Variants in GALNT13 observed in about 807,000 individuals in gnomAD.
GALNT13 encodes the protein polypeptide N-acetylgalactosaminyltransferase 13, also known as UDP-GalNAc:polypeptide N-acetylgalactosaminyltransferase 13.
Under a neutral mutation model 64.2 loss-of-function variants are expected in GALNT13, and 28 were observed. The ratio of observed to expected loss-of-function variants is 0.44; its 90% confidence interval spans 0.32 to 0.60. The LOEUF is 0.60. GALNT13 is among the 20% of genes least tolerant of loss of function. The probability of loss-of-function intolerance (pLI) is 0.05; values close to 1 mark genes in which losing one functional copy is unlikely to be tolerated. For synonymous variants in GALNT13, 214 were observed against 224.6 expected (o/e 0.95, Z 0.42); for missense variants, 577 against 669.8 (o/e 0.86, Z 1.53).
the GALNT13 span, among the ~76,000 whole-genome samples, chr2:153,358,892 C>T: frequency 6.6e-6 from 1 of 152,098 alleles, no homozygotes; most frequent in Non-Finnish European, 1.5e-5. Context: ...GACACATCAT[C>T]AGGCATGTCT....
the GALNT13 span, among the ~76,000 whole-genome samples, chr2:153,511,226 A>G: frequency 6.6e-6 from 1 of 151,894 alleles, no homozygotes; most frequent in Non-Finnish European, 1.5e-5. Context: ...TTGAGATAGG[A>G]GAAAGAAGAA....
chr2:153,464,922 T>C, the GALNT13 span, among the ~76,000 whole-genome samples: 1 of 152,148 alleles, frequency 6.6e-6, no homozygotes, highest in Non-Finnish European at 1.5e-5. Flanking sequence ...AGTAGATAGT[T>C]ACATACTGGA....
the GALNT13 span, among the ~76,000 whole-genome samples, chr2:153,483,282 A>G: frequency 1.3e-5 from 2 of 152,168 alleles, no homozygotes; most frequent in African/African-American, 4.8e-5. Context: ...ATTACTGTTC[A>G]TAACAGCATT....
At chr2:154,346,323 G>T (rs997876346) in intron 9 of GALNT13, among the ~76,000 whole-genome samples, 2 of 151,958 alleles carry the variant, frequency 1.3e-5, no homozygotes, top group Non-Finnish European at 2.9e-5. Context: ...TCAACCATCT[G>T]TCCTCTCTCT....
chr2:154,428,922 C>A (rs534367317), intron 11 of GALNT13, among the ~76,000 whole-genome samples: 2 of 152,250 alleles, frequency 1.3e-5, no homozygotes, highest in African/African-American at 2.4e-5. Flanking sequence ...CGCCTGCCAC[C>A]ACTAACTATT....
the GALNT13 span, among the ~76,000 whole-genome samples, chr2:153,681,985 G>T: frequency 6.6e-6 from 1 of 151,652 alleles, no homozygotes; most frequent in Non-Finnish European, 1.5e-5. Flanking sequence ...AAGCATAGAT[G>T]GTGTGAATCT....
chr2:154,355,767 C>T (rs952295349), intron 9 of GALNT13, among the ~76,000 whole-genome samples: 3 of 151,990 alleles, frequency 2.0e-5, no homozygotes, highest in Admixed American at 6.6e-5. Flanking sequence ...CAAAATTATC[C>T]ACTCAATAAA....
intron 1 of GALNT13, among the ~76,000 whole-genome samples, chr2:153,898,443 G>T (rs950705017): frequency 2.6e-5 from 4 of 151,988 alleles, no homozygotes; most frequent in Non-Finnish European, 5.9e-5. Flanking sequence ...TTTACCTTTA[G>T]CTGTTAGTGT....
chr2:154,121,786 G>A (rs1169501595), intron 3 of GALNT13, among the ~76,000 whole-genome samples: 2 of 151,610 alleles, frequency 1.3e-5, no homozygotes, highest in African/African-American at 4.8e-5. Context: ...TAGACAATAT[G>A]TCATGTGCAA....
chr2:154,258,165 T>G (rs540544208), intron 7 of GALNT13, among the ~76,000 whole-genome samples: 5 of 152,192 alleles, frequency 3.3e-5, no homozygotes, highest in Non-Finnish European at 7.4e-5. Flanking sequence ...ACCTTTAATT[T>G]GCACTGCTTT....
intron 12 of GALNT13, among the ~76,000 whole-genome samples, chr2:154,443,044 G>C (rs1701382436): frequency 6.6e-6 from 1 of 152,000 alleles, no homozygotes; most frequent in Non-Finnish European, 1.5e-5. Context: ...CTTTATTAGA[G>C]AGCAGGTAAA....
At chr2:153,755,814 C>T in the GALNT13 span, among the ~76,000 whole-genome samples, 2 of 151,986 alleles carry the variant, frequency 1.3e-5, no homozygotes, top group African/African-American at 2.4e-5. Context: ...ACTAGTCCTC[C>T]AAGATATCAT....
chr2:154,117,289 A>C (rs1432988718), intron 3 of GALNT13, among the ~76,000 whole-genome samples: 1 of 152,216 alleles, frequency 6.6e-6, no homozygotes, highest in Non-Finnish European at 1.5e-5. Flanking sequence ...CTCAGTCAAC[A>C]CTTAATCATC....
chr2:154,020,638 C>A (rs75227556), intron 3 of GALNT13, among the ~76,000 whole-genome samples: 48,491 of 150,348 alleles, frequency 0.32, 7,959 homozygotes, highest in Middle Eastern at 0.47. Flanking sequence ...AATTTTCTCC[C>A]ATTTTGTAGG....
chr2:153,468,902 T>TACC, the GALNT13 span, among the ~76,000 whole-genome samples: 2 of 152,126 alleles, frequency 1.3e-5, no homozygotes, highest in Non-Finnish European at 2.9e-5. Flanking sequence ...ATCTTGAGAC[T>TACC]ACCAAACACT....
At chr2:154,055,037 G>A (rs919379718) in intron 3 of GALNT13, among the ~76,000 whole-genome samples, 8 of 151,614 alleles carry the variant, frequency 5.3e-5, no homozygotes, top group East Asian at 1.9e-4. Flanking sequence ...TTCTCTTTAC[G>A]CAAAGTTAAT....
At chr2:154,023,398 T>C (rs888240115) in intron 3 of GALNT13, among the ~76,000 whole-genome samples, 1 of 152,242 alleles carries the variant, frequency 6.6e-6, no homozygotes, top group Non-Finnish European at 1.5e-5. Context: ...TATGTATATA[T>C]TTAGGATAGT....
At chr2:154,252,450 G>A (rs901162248) in intron 7 of GALNT13, among the ~76,000 whole-genome samples, 10 of 151,074 alleles carry the variant, frequency 6.6e-5, no homozygotes, top group East Asian at 1.9e-4. Context: ...TCCGCCTCCC[G>A]GATTCACGCC....
At chr2:153,391,373 C>A in the GALNT13 span, among the ~76,000 whole-genome samples, 1 of 151,922 alleles carries the variant, frequency 6.6e-6, no homozygotes, top group African/African-American at 2.4e-5. Flanking sequence ...TACAGTCAGT[C>A]GAGCTATGCG....
Sources: allele counts gnomAD v4.1 joint callset (sites outside exome capture counted in the v4.1 genomes callset), GRCh38; gene constraint gnomAD v4.1.1; transcripts MANE v1.5; gene names NCBI Gene and HGNC (gene_info 2026-07-23, HGNC 2026-07-21).